FSTL5: variants seen among roughly 807,000 people sequenced by gnomAD.
FSTL5 encodes the protein follistatin like 5.
In FSTL5, 62 loss-of-function variants were observed where a neutral mutation model predicts 89.1. The ratio of observed to expected loss-of-function variants is 0.70; its 90% CI spans 0.57 to 0.86. FSTL5 has a LOEUF of 0.86. FSTL5 is among the 40% of genes least tolerant of loss of function. The probability of loss-of-function intolerance (pLI) is 0.00; values close to 1 mark genes in which losing one functional copy is unlikely to be tolerated. For missense variants in FSTL5, 1,057 were observed against 1,001.6 expected, an observed-to-expected ratio of 1.06 and a Z score of -0.75; for synonymous variants, 383 against 346.2, an observed-to-expected ratio of 1.11 and a Z score of -1.18.
At chr4:161,434,927 T>C (rs1732504088) in intron 15 of FSTL5, among the ~76,000 whole-genome samples, 2 of 152,052 alleles carry the variant, frequency 1.3e-5, no homozygotes. Flanking sequence ...CAATAACTAA[T>C]GCTGATGAGT....
intron 1 of FSTL5, among the ~76,000 whole-genome samples, chr4:162,112,206 T>C (rs1470281063): frequency 6.6e-6 from 1 of 152,152 alleles, no homozygotes; most frequent in Non-Finnish European, 1.5e-5. Flanking sequence ...CTTTTTCTTC[T>C]GTCAAAGCCA....
Position 162,002,960 on chromosome 4 carries a change from C to A in FSTL5, c.160+30665G>T, listed in dbSNP as rs367621967. ...GAAATCGAGACCACCCTGGCTAACA[C>A]AGTGAAACCCCGTCTCTAATAAAAA... On this transcript the variant is annotated intron_variant, in intron 3 of 15. Coordinates refer to ENST00000306100, the MANE Select transcript of FSTL5 (RefSeq NM_020116.5). Among the ~76,000 whole-genome samples, 30 of 151,992 alleles carry A rather than the reference C, an allele frequency of 2.0e-4. No individual in the cohort carries two copies. The South Asian group carries it at 3.3e-3, about 17-fold the overall frequency.
chr4:162,147,913 G>A (rs1733065348), intron 1 of FSTL5, among the ~76,000 whole-genome samples: 1 of 152,078 alleles, frequency 6.6e-6, no homozygotes, highest in South Asian at 2.1e-4. Context: ...GGTGAGGCAG[G>A]AGAATCACCT....
chr4:161,796,136 A>G (rs1729625885), intron 4 of FSTL5, among the ~76,000 whole-genome samples: 1 of 151,982 alleles, frequency 6.6e-6, no homozygotes, highest in African/African-American at 2.4e-5. Context: ...TGTTTAAAGT[A>G]CCCATTCAAG....
At chr4:161,729,672 T>C (rs542377431) in intron 6 of FSTL5, among the ~76,000 whole-genome samples, 1 of 152,218 alleles carries the variant, frequency 6.6e-6, no homozygotes, top group Non-Finnish European at 1.5e-5. Flanking sequence ...TGAAAGACAC[T>C]ACCTCCCTCA....
At chr4:162,038,979 T>C (rs1737845448) in intron 2 of FSTL5, among the ~76,000 whole-genome samples, 1 of 151,780 alleles carries the variant, frequency 6.6e-6, no homozygotes, top group Admixed American at 6.6e-5. Context: ...ACACAGATAA[T>C]ACCCACAAAT....
At chr4:161,734,576 T>C (rs930763334) in intron 6 of FSTL5, among the ~76,000 whole-genome samples, 1 of 152,224 alleles carries the variant, frequency 6.6e-6, no homozygotes, top group African/African-American at 2.4e-5. Context: ...CTTAAGAATA[T>C]ACATTAATGT....
rs1044844437 is a variant in FSTL5, at chr4:162,063,197, T to G, written c.127-29539A>C. Among the ~76,000 whole-genome samples, 17 of 151,984 alleles carry G rather than the reference T, an allele frequency of 1.1e-4. No individual in the cohort carries two copies. In the East Asian group the frequency reaches 2.1e-3, roughly 19 times the overall value. ...TGTTATTGTCTCATTTCATTAGATT[T>G]TCCCTCTTCCCCTTTTTTCTCATCT... is the stretch of plus-strand genomic sequence containing the variant. On this transcript the variant is annotated intron_variant, in intron 2 of 15. Transcript: ENST00000306100.
At chr4:162,096,819 A>T (rs1730771017) in intron 2 of FSTL5, among the ~76,000 whole-genome samples, 1 of 151,920 alleles carries the variant, frequency 6.6e-6, no homozygotes, top group South Asian at 2.1e-4. Flanking sequence ...TAATACAAAA[A>T]TTTTTTAACG....
chr4:161,589,063 A>G (rs1733719865), intron 7 of FSTL5, among the ~76,000 whole-genome samples: 1 of 146,708 alleles, frequency 6.8e-6, no homozygotes, highest in African/African-American at 2.5e-5. Flanking sequence ...ATCTTGGCTC[A>G]CTGCAATCTC....
At chr4:161,537,598 G>T (rs17041191) in intron 10 of FSTL5, among the ~76,000 whole-genome samples, 4,998 of 152,230 alleles carry the variant, frequency 0.033, 165 homozygotes, top group East Asian at 0.15. Context: ...ATAACTCCAG[G>T]AGACAATCAG....
chr4:162,152,592 T>G (rs1398604489), intron 1 of FSTL5, among the ~76,000 whole-genome samples: 1 of 152,184 alleles, frequency 6.6e-6, no homozygotes, highest in Non-Finnish European at 1.5e-5. Flanking sequence ...TTCTCAAGCA[T>G]GTGCACAAAC....
intron 10 of FSTL5, among the ~76,000 whole-genome samples, chr4:161,519,754 T>C (rs1011966014): frequency 3.3e-5 from 5 of 152,112 alleles, no homozygotes; most frequent in Non-Finnish European, 2.9e-5. Context: ...TAAATAATTG[T>C]GAGTAATTAG....
chr4:161,680,420 A>G (rs1378819544), intron 6 of FSTL5, among the ~76,000 whole-genome samples: 1 of 151,814 alleles, frequency 6.6e-6, no homozygotes, highest in Non-Finnish European at 1.5e-5. Flanking sequence ...CTTTAGTTTC[A>G]CTAACGTTAG....
At chr4:162,073,514 C>T (rs192785430) in intron 2 of FSTL5, among the ~76,000 whole-genome samples, 1 of 151,692 alleles carries the variant, frequency 6.6e-6, no homozygotes, top group Admixed American at 6.6e-5. Flanking sequence ...AACAGGAAAA[C>T]TTTACATCAA....
chr4:162,106,720 G>T lies in FSTL5; in HGVS notation c.126+4551C>A, dbSNP rs1289675453. Among the ~76,000 whole-genome samples, 6 of 152,172 alleles carry T rather than the reference G, an allele frequency of 3.9e-5. No individual in the cohort carries two copies. The East Asian group carries it at 9.7e-4, about 24-fold the overall frequency. On this transcript the variant is annotated intron_variant, in intron 2 of 15. Coordinates refer to ENST00000306100, the MANE Select transcript of FSTL5 (RefSeq NM_020116.5). Reference sequence around the variant, plus strand: ...TTAGGTAATGTGGGTTTAAGTTCTAGTTCTGTCTTGATTGCAGATAACGCT... The same window carrying T: ...TTAGGTAATGTGGGTTTAAGTTCTATTTCTGTCTTGATTGCAGATAACGCT...
chr4:162,149,588 G>C (rs1457888585), intron 1 of FSTL5, among the ~76,000 whole-genome samples: 1 of 152,194 alleles, frequency 6.6e-6, no homozygotes, highest in East Asian at 1.9e-4. Flanking sequence ...AGTAGGTGGA[G>C]GCTGCAGTGA....
At chr4:162,158,942 G>A (rs910915471) in intron 1 of FSTL5, among the ~76,000 whole-genome samples, 3 of 152,040 alleles carry the variant, frequency 2.0e-5, no homozygotes, top group African/African-American at 7.2e-5. Context: ...CCAACTCACT[G>A]CTTCTTTTTC....
At chr4:161,777,848 C>G (rs1347092805) in intron 4 of FSTL5, among the ~76,000 whole-genome samples, 2 of 152,134 alleles carry the variant, frequency 1.3e-5, no homozygotes, top group Non-Finnish European at 2.9e-5. Context: ...AATCCCAGCA[C>G]TTTGGAAGGC....
Sources: gnomAD v4.1 joint callset for allele counts (sites outside exome capture counted in the v4.1 genomes callset) on GRCh38, gnomAD v4.1.1 for gene constraint, MANE v1.5 for transcripts, NCBI Gene and HGNC (gene_info 2026-07-23, HGNC 2026-07-21) for gene names.